The following SRSF11 variants were observed in gnomAD, a reference collection of about 807,000 sequenced individuals.
The protein encoded by SRSF11 is serine and arginine rich splicing factor 11, also known as serine/arginine-rich splicing factor 11.
A neutral mutation model predicts 56.0 loss-of-function variants in SRSF11; 9 were observed. The observed-to-expected ratio is 0.16, with a 90% CI of 0.10 to 0.28. The LOEUF is 0.28. Among genes scored for constraint, SRSF11 ranks in the 10% least tolerant of loss-of-function variants. SRSF11 has a pLI of 1.00. For synonymous variants in SRSF11, 222 were observed against 215.3 expected, an observed-to-expected ratio of 1.03 and a Z score of -0.27; for missense variants, 421 against 600.7, an observed-to-expected ratio of 0.70 and a Z score of 3.13.
At chr1:70,214,940 C>T (rs933914455) in intron 1 of SRSF11, among the ~76,000 whole-genome samples, 19 of 145,730 alleles carry the variant, frequency 1.3e-4, no homozygotes, top group African/African-American at 3.6e-4. Flanking sequence ...GCCCTGTCGC[C>T]TAGGCTGGAA....
At chr1:70,237,362 T>G (rs1674357108) in intron 5 of SRSF11, 63 bp from the exon 6 acceptor site, 1 of 1,590,260 alleles carries the variant, frequency 6.3e-7, no homozygotes, top group East Asian at 2.2e-5. Flanking sequence ...ACTTAAGTAT[T>G]TATTTGAAAT....
At chr1:70,237,145 G>C (rs1051045216) in intron 5 of SRSF11, among the ~76,000 whole-genome samples, 1 of 152,008 alleles carries the variant, frequency 6.6e-6, no homozygotes, top group Non-Finnish European at 1.5e-5. Flanking sequence ...TCTTGTACTG[G>C]CATTTCTAAA....
At chr1:70,239,689 C>T (rs751313125) in intron 7 of SRSF11, among the ~76,000 whole-genome samples, 169 bp downstream of exon 7, 29 of 152,112 alleles carry the variant, frequency 1.9e-4, no homozygotes, top group Non-Finnish European at 4.0e-4. Context: ...AGAAAAGCGA[C>T]AGACGAAATA....
chr1:70,211,173 T>G (rs1669531780), intron 1 of SRSF11, among the ~76,000 whole-genome samples: 1 of 149,298 alleles, frequency 6.7e-6, no homozygotes, highest in Admixed American at 6.7e-5. Flanking sequence ...ATTTTATGAT[T>G]TTTTTTTTTT....
upstream of SRSF11, among the ~76,000 whole-genome samples, chr1:70,217,167 T>C (rs1432188946): frequency 6.6e-6 from 1 of 152,182 alleles, no homozygotes; most frequent in East Asian, 1.9e-4. Context: ...TTTTGTTTTT[T>C]GTTTTTTTGA....
Position 70,252,948 on chromosome 1 carries a change from TTTAACAG to T in SRSF11, c.*2144_*2150del, listed in dbSNP as rs1470071638. The T allele has an allele frequency of 6.6e-6, 1 of 152,220 alleles. No individual in the cohort carries two copies. Among genetic ancestry groups the T allele is most frequent in the African/African-American group, 2.4e-5 (1 of 41,458 alleles). 9.4% of individuals were successfully genotyped at this position (152,220 alleles called of 1,614,324 possible). On this transcript the variant is annotated 3_prime_UTR_variant, in exon 12 of 12. Transcript: ENST00000370949. The stretch of plus-strand genomic sequence containing the variant: ...TAGTGTTGCACTGGGACACAAGCCT[TTTAACAG>T]ATAACCAGTTGAAATCAAACACTGC...
intron 6 of SRSF11, 93 bp downstream of exon 6, chr1:70,237,645 T>C (rs1253179782): frequency 1.3e-6 from 2 of 1,522,004 alleles, no homozygotes; most frequent in Non-Finnish European, 8.9e-7. Flanking sequence ...CCCTAGTCGT[T>C]TAAAATGTTG....
At chr1:70,237,659 A>G (rs966406871) in intron 6 of SRSF11, 107 bp downstream of exon 6, 14 of 1,460,678 alleles carry the variant, frequency 9.6e-6, no homozygotes, top group Non-Finnish European at 1.3e-5. Context: ...AATGTTGTAA[A>G]CTCTGATAAA....
upstream of SRSF11, among the ~76,000 whole-genome samples, chr1:70,220,232 A>C (rs1670402823): frequency 1.3e-5 from 2 of 152,228 alleles, no homozygotes. Context: ...CATAGCAGTG[A>C]GGGAAGGAAT....
chr1:70,242,534 G>A (rs975982739), intron 7 of SRSF11, among the ~76,000 whole-genome samples: 5 of 150,314 alleles, frequency 3.3e-5, no homozygotes, highest in African/African-American at 1.2e-4. Flanking sequence ...GAACTCCTGA[G>A]CTCGAGCTGT....
Position 70,250,775 on chromosome 1 carries a change from T to C in SRSF11, c.1425T>C (p.His475=). 1 of 1,614,014 alleles carries C rather than the reference T, an allele frequency of 6.2e-7. No individual in the cohort carries two copies. Among genetic ancestry groups the C allele is most frequent in the Non-Finnish European group, 8.5e-7 (1 of 1,179,956 alleles). ...AATCCAAAGTGAATGGGGATGATCATCATGAAGAAGACATGGATATGAGTG... is the reference window on the plus strand; with the variant it reads ...AATCCAAAGTGAATGGGGATGATCACCATGAAGAAGACATGGATATGAGTG... The part of the protein sequence containing the change: ...LRESKVNGDD[H]HEEDMDMSD The change falls in exon 12 of 12, where the codon CAT becomes CAC. Residue 475 remains histidine (H), a synonymous_variant. Transcript: ENST00000370949.
chr1:70,209,348 G>A (rs1669331291), intron 1 of SRSF11, among the ~76,000 whole-genome samples: 1 of 152,184 alleles, frequency 6.6e-6, no homozygotes, highest in Non-Finnish European at 1.5e-5. Context: ...TAAGAGCAAA[G>A]TGTATTTGTT....
chr1:70,223,226 G>C (rs1445242746), intron 1 of SRSF11, among the ~76,000 whole-genome samples: 1 of 152,190 alleles, frequency 6.6e-6, no homozygotes, highest in Non-Finnish European at 1.5e-5. Flanking sequence ...TTATTAGTGA[G>C]ATATTTGAGG....
chr1:70,247,047 G>T, intron 9 of SRSF11, 140 bp downstream of exon 9: 1 of 1,116,594 alleles, frequency 9.0e-7, no homozygotes, highest in Non-Finnish European at 1.2e-6. Flanking sequence ...GTTATTTAAA[G>T]TTTTTAAAAG....
rs1677620405 is a variant in SRSF11 at position 70,249,956 on chromosome 1, A to AGAC, written c.1036_1038dup (p.Arg347dup). 6.2e-7 allele frequency: 1 copy of AGAC among 1,614,000 alleles called. No homozygotes were observed. The highest frequency in any genetic ancestry group is 1.7e-5 in the Admixed American group (1 of 59,998). ...TTTGCACATTTGTGATTCTAGAGAG[A>AGAC]GACGACGACGAAGAAGCAGGAGTGG... On this transcript the variant is annotated inframe_insertion, in exon 10 of 12. Transcript: ENST00000370949.
chr1:70,209,996 G>A (rs1266439003), intron 1 of SRSF11, among the ~76,000 whole-genome samples: 1 of 151,688 alleles, frequency 6.6e-6, no homozygotes, highest in Non-Finnish European at 1.5e-5. Context: ...TGTTGTTACT[G>A]GAGTTGTATA....
chr1:70,231,702 C>G (rs1387898209), intron 2 of SRSF11: 1 of 1,195,588 alleles, frequency 8.4e-7, no homozygotes, highest in Non-Finnish European at 1.1e-6. Context: ...ACGCTTGATT[C>G]CAACAGAATA....
At chr1:70,226,199 A>C (rs1479150041) in intron 1 of SRSF11, among the ~76,000 whole-genome samples, 1 of 152,142 alleles carries the variant, frequency 6.6e-6, no homozygotes, top group Non-Finnish European at 1.5e-5. Flanking sequence ...CTCAAAAAAA[A>C]AAAAATTTTA....
chr1:70,239,353 T>C (rs1256684658), intron 6 of SRSF11, 86 bp from the exon 7 acceptor site: 10 of 886,648 alleles, frequency 1.1e-5, no homozygotes, highest in Non-Finnish European at 1.8e-5. Flanking sequence ...CAGCCTCTCA[T>C]AGTGCTGTGA....
Sources: allele counts gnomAD v4.1 joint callset (sites outside exome capture counted in the v4.1 genomes callset), GRCh38; gene constraint gnomAD v4.1.1; transcripts MANE v1.5; gene names NCBI Gene and HGNC (gene_info 2026-07-23, HGNC 2026-07-21).